The following PHACTR4 variants were observed in gnomAD, a reference collection of about 807,000 sequenced individuals.
PHACTR4 encodes protein phosphatase 1, regulatory subunit 124.
PHACTR4 carries 51 observed loss-of-function variants against 72.7 expected under a neutral mutation model. The ratio of observed to expected loss-of-function variants is 0.70; its 90% CI spans 0.56 to 0.89. The LOEUF is 0.89. Among genes scored for constraint, PHACTR4 ranks in the 40% least tolerant of loss-of-function variants. The probability of loss-of-function intolerance (pLI) is 0.00; values close to 1 mark genes in which losing one functional copy is unlikely to be tolerated. For missense variants in PHACTR4, 731 were observed against 861.8 expected, an observed-to-expected ratio of 0.85 and a Z score of 1.90; for synonymous variants, 255 against 302.5, an observed-to-expected ratio of 0.84 and a Z score of 1.63.
At chr1:28,453,310 G>A (rs1295054654) in intron 2 of PHACTR4, among the ~76,000 whole-genome samples, 1 of 152,046 alleles carries the variant, frequency 6.6e-6, no homozygotes, top group African/African-American at 2.4e-5. Flanking sequence ...CATAAATCTT[G>A]AATAACACCA....
intron 2 of PHACTR4, among the ~76,000 whole-genome samples, chr1:28,425,989 G>T (rs1277960765): frequency 6.6e-6 from 1 of 152,132 alleles, no homozygotes; most frequent in Non-Finnish European, 1.5e-5. Flanking sequence ...GGGAGGCAGA[G>T]ATGGGCAGAT....
Position 28,447,832 on chromosome 1 carries a change from C to T in PHACTR4, c.17-11253C>T, listed in dbSNP as rs148266176. On this transcript the variant is annotated intron_variant, in intron 2 of 13. Transcript: ENST00000373839. ...CTTCCACCTGACTATCTTCTCCTGA[C>T]GGCTTTACCGAGTTCTTTCTAATTC... 6.0e-3 allele frequency among the ~76,000 whole-genome samples: 906 copies of T among 152,202 alleles called. 3 individuals carry two copies. Among genetic ancestry groups the T allele is most frequent in the African/African-American group, 0.021 (862 of 41,532 alleles).
At chr1:28,490,855 A>C in intron 10 of PHACTR4, 96 bp from the exon 11 acceptor site, 3 of 1,303,382 alleles carry the variant, frequency 2.3e-6, no homozygotes, top group Non-Finnish European at 3.3e-6. Context: ...AAAAAAAAAA[A>C]CAAAAAAGAA....
intron 1 of PHACTR4, among the ~76,000 whole-genome samples, chr1:28,400,800 G>A (rs1485691864): frequency 6.6e-6 from 1 of 152,092 alleles, no homozygotes; most frequent in Non-Finnish European, 1.5e-5. Flanking sequence ...GGCTGGTCTC[G>A]AACTCCTGAC....
chr1:28,449,237 T>A (rs192900088), intron 2 of PHACTR4, among the ~76,000 whole-genome samples: 5 of 152,258 alleles, frequency 3.3e-5, no homozygotes, highest in African/African-American at 1.2e-4. Flanking sequence ...AGCAGCAGGA[T>A]TGCTTGAGAC....
chr1:28,445,759 T>C (rs1657421723), intron 2 of PHACTR4, among the ~76,000 whole-genome samples: 1 of 152,092 alleles, frequency 6.6e-6, no homozygotes, highest in Non-Finnish European at 1.5e-5. Context: ...TCAGGTGTGG[T>C]GGTGCACACC....
chr1:28,396,845 CTTTTTTTT>C (rs60578939), intron 1 of PHACTR4, among the ~76,000 whole-genome samples: 13 of 119,666 alleles, frequency 1.1e-4, no homozygotes, highest in Non-Finnish European at 2.2e-4. Context: ...TTCTTTCTTT[CTTTTTTTT>C]TTTTTTTTTT....
At chr1:28,473,275 CAAAAAAAA>C (rs759485996) in intron 6 of PHACTR4, among the ~76,000 whole-genome samples, 3 of 82,268 alleles carry the variant, frequency 3.6e-5, no homozygotes. Flanking sequence ...GACCCTGTCT[CAAAAAAAA>C]AAAAAAAAAA....
intron 2 of PHACTR4, among the ~76,000 whole-genome samples, chr1:28,417,520 A>G (rs553728911): frequency 6.6e-6 from 1 of 152,320 alleles, no homozygotes; most frequent in South Asian, 2.1e-4. Context: ...GGCAGTGAAC[A>G]CATACGGTGT....
At chr1:28,494,264 C>T (rs1217069322) in intron 13 of PHACTR4, 3 of 152,108 alleles carry the variant, frequency 2.0e-5, no homozygotes, top group Admixed American at 2.0e-4. Context: ...CACCTGTAAT[C>T]CTAGCACTTT....
intron 1 of PHACTR4, among the ~76,000 whole-genome samples, chr1:28,375,498 A>G (rs1171641137): frequency 6.6e-6 from 1 of 151,754 alleles, no homozygotes; most frequent in Non-Finnish European, 1.5e-5. Flanking sequence ...GCCTGGCAAC[A>G]TAGCAAGACT....
Position 28,473,761 on chromosome 1 carries a change from C to A in PHACTR4, c.1031C>A (p.Ser344Tyr), listed in dbSNP as rs773269148. Residue 344 changes from serine to tyrosine, a missense_variant, in exon 7 of 14, where the codon TCC (serine) becomes TAC (tyrosine). This residue lies in a region of PHACTR4 where 621 missense variants were observed against 676.6 expected (regional missense o/e 0.92). Coordinates refer to ENST00000373839, the MANE Select transcript of PHACTR4 (RefSeq NM_001048183.3). Reference sequence around the variant, plus strand: ...CCAATGATCTCACCTCGCTCTCCGTCCCCCCCACTGCCTACTCATATACCT... The same window carrying A: ...CCAATGATCTCACCTCGCTCTCCGTACCCCCCACTGCCTACTCATATACCT... ...LLPMISPRSP[S>Y]PPLPTHIPPE... is the part of the protein sequence containing the mutation. The A allele has an allele frequency of 8.4e-5, 135 of 1,613,756 alleles. No individual in the cohort carries two copies. The highest frequency in any genetic ancestry group is 1.1e-4 in the Non-Finnish European group (126 of 1,179,914).
At chr1:28,377,076 C>A (rs1007915584) in intron 1 of PHACTR4, among the ~76,000 whole-genome samples, 2 of 151,722 alleles carry the variant, frequency 1.3e-5, no homozygotes, top group African/African-American at 4.8e-5. Flanking sequence ...ATTATAGGCG[C>A]TCACCACCAT....
intron 6 of PHACTR4, among the ~76,000 whole-genome samples, chr1:28,473,136 C>T (rs891668296): frequency 1.3e-5 from 2 of 151,584 alleles, no homozygotes; most frequent in African/African-American, 2.4e-5. Flanking sequence ...TTAGCCGGGC[C>T]GTAGTGGCGT....
intron 6 of PHACTR4, chr1:28,467,073 C>T (rs551332348): frequency 1.8e-5 from 4 of 219,682 alleles, no homozygotes; most frequent in South Asian, 1.6e-4. Flanking sequence ...ATTAGCCAGG[C>T]GTGGTGGCAC....
chr1:28,396,607 G>C (rs143606403), intron 1 of PHACTR4, among the ~76,000 whole-genome samples: 1 of 151,046 alleles, frequency 6.6e-6, no homozygotes, highest in African/African-American at 2.4e-5. Flanking sequence ...GCATCTGAAG[G>C]TCACTCTAGA....
intron 2 of PHACTR4, among the ~76,000 whole-genome samples, chr1:28,426,215 C>CT (rs1655832926): frequency 7.9e-6 from 1 of 126,402 alleles, no homozygotes; most frequent in Non-Finnish European, 1.6e-5. Flanking sequence ...AGCGAGAAAC[C>CT]TTCTCAAAAA....
At chr1:28,452,718 C>T (rs1658066497) in intron 2 of PHACTR4, among the ~76,000 whole-genome samples, 1 of 151,612 alleles carries the variant, frequency 6.6e-6, no homozygotes, top group Non-Finnish European at 1.5e-5. Context: ...ATCACTTGAA[C>T]CTGGGAGGCG....
intron 1 of PHACTR4, among the ~76,000 whole-genome samples, chr1:28,376,792 A>T (rs1030972705): frequency 5.3e-5 from 8 of 150,656 alleles, no homozygotes; most frequent in Non-Finnish European, 1.5e-5. Flanking sequence ...GCCCACCACC[A>T]CACCCGGCTA....
Sources: allele counts gnomAD v4.1 joint callset (sites outside exome capture counted in the v4.1 genomes callset), GRCh38; gene constraint gnomAD v4.1.1; regional missense constraint gnomAD v4.1.1; transcripts MANE v1.5; gene names NCBI Gene and HGNC (gene_info 2026-07-23, HGNC 2026-07-21).